Variants in ZNF138 observed in about 807,000 individuals in gnomAD.
The protein encoded by ZNF138 is zinc finger protein 138 (clone pHZ-32).
In ZNF138, 33 loss-of-function variants were observed where a neutral mutation model predicts 33.0. That is an observed-to-expected ratio of 1.00 (90% CI 0.76 to 1.34). The LOEUF (loss-of-function observed/expected upper bound fraction) is 1.34, where lower values mean the gene tolerates loss of function less well. Ranked by LOEUF, ZNF138 falls within the 40% of genes most tolerant of loss-of-function variation. ZNF138 has a pLI of 0.00. For missense variants in ZNF138, 360 were observed against 370.8 expected (o/e 0.97, Z 0.24); for synonymous variants, 139 against 120.4 (o/e 1.15, Z -1.01).
In ZNF138 at chr7:64,832,373, GCTCA is replaced by G; in HGVS notation, c.*174_*177del. The G allele has an allele frequency of 4.6e-6, 7 of 1,533,032 alleles. No individual in the cohort carries two copies. The highest frequency in any genetic ancestry group is 6.1e-6 in the Non-Finnish European group (7 of 1,145,610). 95.0% of individuals were successfully genotyped at this position (1,533,032 alleles called of 1,614,324 possible). A position where few individuals can be genotyped will look rare whatever the true frequency, so the allele number is the denominator to read the frequency against. ...GCAGAGCTTTTAACCAGTCCGCAAA[GCTCA>G]CTGAACATAAGTTAATTCATACTGG... On this transcript the variant is annotated 3_prime_UTR_variant, in exon 4 of 4. Transcript: ENST00000307355.
chr7:64,807,417 C>T (rs1426084754), intron 1 of ZNF138, among the ~76,000 whole-genome samples: 1 of 152,220 alleles, frequency 6.6e-6, no homozygotes, highest in East Asian at 1.9e-4. Flanking sequence ...TTCCAGGTTA[C>T]AATTCTCAAA....
intron 1 of ZNF138, among the ~76,000 whole-genome samples, chr7:64,809,583 T>A (rs1187429671): frequency 7.5e-6 from 1 of 133,360 alleles, no homozygotes; most frequent in Non-Finnish European, 1.6e-5. Context: ...GCGGCTGGCC[T>A]GGCGGGGGGC....
Position 64,805,125 on chromosome 7 carries a change from G to A in ZNF138, c.4-9793G>A, listed in dbSNP as rs578152767. On this transcript the variant is annotated intron_variant, in intron 1 of 3. Transcript: ENST00000307355. ...TATAAATAGAAACTGATGGCCGGGC[G>A]CAGTGGCTCACACCTATAATCCCAG... Among the ~76,000 whole-genome samples the A allele has an allele frequency of 7.0e-4, 106 of 152,190 alleles. 2 individuals carry two copies. Among genetic ancestry groups the A allele is most frequent in the South Asian group, 5.4e-3 (26 of 4,814 alleles).
chr7:64,822,872 T>A (rs151259446), intron 3 of ZNF138, among the ~76,000 whole-genome samples: 3 of 3,536 alleles, frequency 8.5e-4, no homozygotes, highest in South Asian at 0.045. Flanking sequence ...TTTGAAAAAT[T>A]AATTTTTTTA....
chr7:64,804,052 C>T (rs1787372833), intron 1 of ZNF138, among the ~76,000 whole-genome samples: 1 of 152,154 alleles, frequency 6.6e-6, no homozygotes, highest in Admixed American at 6.5e-5. Context: ...TATTCCAATT[C>T]TTCATTAAAA....
At chr7:64,806,332 A>G (rs1200346602) in intron 1 of ZNF138, among the ~76,000 whole-genome samples, 2 of 152,208 alleles carry the variant, frequency 1.3e-5, no homozygotes, top group African/African-American at 2.4e-5. Flanking sequence ...TAGGACAGCA[A>G]TCAACCATTT....
chr7:64,804,804 CTG>C (rs769681879), intron 1 of ZNF138, among the ~76,000 whole-genome samples: 2 of 151,906 alleles, frequency 1.3e-5, no homozygotes, highest in Admixed American at 1.3e-4. Context: ...CTGGTGAAAA[CTG>C]TCAGAGGCAT....
chr7:64,794,708 G>A (rs1003657391), intron 1 of ZNF138, 137 bp downstream of exon 1: 25 of 1,315,008 alleles, frequency 1.9e-5, no homozygotes, highest in Middle Eastern at 1.9e-4. Flanking sequence ...GCACAGCTCG[G>A]CCCTCAGTCC....
chr7:64,831,560 G>A lies in ZNF138; in HGVS notation c.318G>A (p.Gln106=). The A allele has an allele frequency of 6.2e-7, 1 of 1,613,604 alleles. No individual in the cohort carries two copies. Among genetic ancestry groups the A allele is most frequent in the Non-Finnish European group, 8.5e-7 (1 of 1,179,836 alleles). The change falls in exon 4 of 4, where the codon CAG becomes CAA. Residue 106 remains glutamine (Q), a synonymous_variant. Coordinates refer to ENST00000307355, the MANE Select transcript of ZNF138 (RefSeq NM_001271639.2). ...RYGKYGHKNL[Q]LRKGCKSVDE... ...GAAAATATGGACATAAGAATTTACA[G>A]TTAAGAAAAGGCTGTAAAAGTGTGG...
At chr7:64,857,840 G>T in the ZNF138 span, among the ~76,000 whole-genome samples, 3 of 152,170 alleles carry the variant, frequency 2.0e-5, no homozygotes, top group African/African-American at 7.2e-5. Context: ...CAGGTGGCCT[G>T]TTTCCCACTG....
chr7:64,837,524 G>T (rs1790400693), downstream of ZNF138, among the ~76,000 whole-genome samples: 2 of 152,302 alleles, frequency 1.3e-5, no homozygotes, highest in African/African-American at 4.8e-5. Flanking sequence ...GTTCAAAGGG[G>T]CTAAGGCCTG....
downstream of ZNF138, among the ~76,000 whole-genome samples, chr7:64,838,199 T>C (rs953294559): frequency 2.0e-5 from 3 of 152,172 alleles, no homozygotes; most frequent in Admixed American, 6.5e-5. Context: ...GGAGGGCACC[T>C]TCGCCATCCG....
At chr7:64,814,588 AGC>A (rs1446328567) in intron 1 of ZNF138, among the ~76,000 whole-genome samples, 38 of 152,140 alleles carry the variant, frequency 2.5e-4, no homozygotes, top group African/African-American at 9.2e-4. Context: ...AACATAGTGA[AGC>A]CCCGTTTCTA....
intron 1 of ZNF138, among the ~76,000 whole-genome samples, chr7:64,799,136 C>T (rs930227303): frequency 2.0e-5 from 3 of 151,630 alleles, no homozygotes; most frequent in Non-Finnish European, 4.4e-5. Flanking sequence ...TTTCTTAGGG[C>T]AGTATGGCCA....
Position 64,815,561 on chromosome 7 carries a change from C to T in ZNF138, c.131-15C>T. ...CTTATTTTTAATAAAACAAGTATTG[C>T]TATCTCTAAGCCAGACCTGATTACC... On this transcript the variant is annotated splice_polypyrimidine_tract_variant and intron_variant, in intron 2 of 3. Coordinates refer to ENST00000307355, the MANE Select transcript of ZNF138 (RefSeq NM_001271639.2). 6.2e-7 allele frequency: 1 copy of T among 1,602,396 alleles called. No individual in the cohort carries two copies. The highest frequency in any genetic ancestry group is 1.1e-5 in the South Asian group (1 of 88,748).
Position 64,832,730 on chromosome 7 carries a change from T to C in ZNF138, c.*528T>C, listed in dbSNP as rs566633620. On this transcript the variant is annotated 3_prime_UTR_variant, in exon 4 of 4. Transcript: ENST00000307355. Reference sequence around the variant, plus strand: ...CAACTCTTACTGCACATAAGATCATTCATACTGGAGAGAAACCTTACAAAT... The same window carrying C: ...CAACTCTTACTGCACATAAGATCATCCATACTGGAGAGAAACCTTACAAAT... The C allele has an allele frequency of 4.1e-4, 183 of 449,272 alleles. 1 individual carries two copies. Among genetic ancestry groups the C allele is most frequent in the East Asian group, 2.3e-3 (39 of 17,042 alleles). The allele number at this position is 449,272 out of a possible 1,614,324, so 27.8% of individuals were successfully genotyped here.
chr7:64,794,641 T>C (rs539883638), intron 1 of ZNF138, 70 bp downstream of exon 1: 1 of 1,608,204 alleles, frequency 6.2e-7, no homozygotes, highest in Non-Finnish European at 8.5e-7. Context: ...GAAGTGGCTG[T>C]GGCAGTACTC....
At chr7:64,843,859 G>A in the ZNF138 span, among the ~76,000 whole-genome samples, 50 of 150,716 alleles carry the variant, frequency 3.3e-4, no homozygotes, top group South Asian at 8.8e-3. Flanking sequence ...ATGGAGTTTC[G>A]CTGTCACCAG....
chr7:64,825,203 C>G (rs62456842), intron 3 of ZNF138, among the ~76,000 whole-genome samples: 5,455 of 110,372 alleles, frequency 0.049, 173 homozygotes, highest in East Asian at 0.16. Context: ...GACGGAGTCT[C>G]GCACTGTCGC....
Sources: allele counts gnomAD v4.1 joint callset (sites outside exome capture counted in the v4.1 genomes callset), GRCh38; gene constraint gnomAD v4.1.1; transcripts MANE v1.5; gene names NCBI Gene and HGNC (gene_info 2026-07-23, HGNC 2026-07-21).